MGAT5: variants seen among roughly 807,000 people sequenced by gnomAD.
The protein encoded by MGAT5 is alpha-1,6-mannosylglycoprotein 6-beta-N-acetylglucosaminyltransferase A.
A neutral mutation model predicts 94.3 loss-of-function variants in MGAT5; 30 were observed. The observed-to-expected ratio is 0.32, with a 90% CI of 0.24 to 0.43. The LOEUF is 0.43. Among genes scored for constraint, MGAT5 ranks in the 20% least tolerant of loss-of-function variants. The probability of loss-of-function intolerance (pLI) is 1.00; values close to 1 mark genes in which losing one functional copy is unlikely to be tolerated. For missense variants in MGAT5, 691 were observed against 905.5 expected (o/e 0.76, Z 3.04); for synonymous variants, 310 against 322.9 (o/e 0.96, Z 0.43).
At chr2:134,158,115 A>G (rs1255412834) in intron 1 of MGAT5, among the ~76,000 whole-genome samples, 2 of 152,246 alleles carry the variant, frequency 1.3e-5, no homozygotes, top group Admixed American at 6.5e-5. Flanking sequence ...AAAAAGCACC[A>G]TAAGTTATCA....
intron 5 of MGAT5, 111 bp from the exon 6 acceptor site, chr2:134,338,148 C>T (rs1688435103): frequency 1.1e-6 from 1 of 875,172 alleles, no homozygotes; most frequent in South Asian, 2.1e-5. Flanking sequence ...ACTTTTGAAG[C>T]TCTCAATTTA....
rs1243902500 is a variant in MGAT5 at position 134,449,534 on chromosome 2, CAG to C, written c.*688_*689del. The C allele has an allele frequency of 6.5e-6, 1 of 152,712 alleles. No homozygotes were observed. Among genetic ancestry groups the C allele is most frequent in the Non-Finnish European group, 1.5e-5 (1 of 68,474 alleles). 9.5% of individuals were successfully genotyped at this position (152,712 alleles called of 1,614,324 possible). On this transcript the variant is annotated 3_prime_UTR_variant, in exon 16 of 16. Coordinates refer to ENST00000281923, the MANE Select transcript of MGAT5 (RefSeq NM_002410.5). ...CACCTAGAGCATGGGCTGCCTCAGT[CAG>C]GGGGACGTGCCTGTGTTGTCCAGAG...
chr2:134,387,332 A>T (rs4953918), intron 10 of MGAT5, among the ~76,000 whole-genome samples: 4,026 of 24,456 alleles, frequency 0.16, 417 homozygotes, highest in African/African-American at 0.22. Context: ...ATATATATAT[A>T]TTTTTTTTTT....
At chr2:134,176,216 G>T (rs1199498878) in intron 1 of MGAT5, among the ~76,000 whole-genome samples, 9 of 152,116 alleles carry the variant, frequency 5.9e-5, no homozygotes, top group Non-Finnish European at 1.5e-5. Context: ...TGGGAAGGGG[G>T]TGTGGAGGCC....
At chr2:134,432,008 C>G (rs753351554) in intron 14 of MGAT5, among the ~76,000 whole-genome samples, 10 of 152,320 alleles carry the variant, frequency 6.6e-5, no homozygotes, top group Non-Finnish European at 1.2e-4. Flanking sequence ...TTTAAATGAG[C>G]TTTCTCAAAG....
intron 12 of MGAT5, among the ~76,000 whole-genome samples, chr2:134,414,097 G>T (rs1019838253): frequency 6.6e-6 from 1 of 151,164 alleles, no homozygotes; most frequent in African/African-American, 2.4e-5. Flanking sequence ...TCTATAAAAG[G>T]TTAATCCGTG....
At chr2:134,246,526 G>T (rs182693505) in intron 1 of MGAT5, among the ~76,000 whole-genome samples, 1 of 152,146 alleles carries the variant, frequency 6.6e-6, no homozygotes, top group Non-Finnish European at 1.5e-5. Flanking sequence ...CACCGTCCCC[G>T]TTCCATCTGT....
intron 2 of MGAT5, among the ~76,000 whole-genome samples, chr2:134,307,002 C>T (rs945724461): frequency 6.6e-6 from 1 of 152,120 alleles, no homozygotes; most frequent in Non-Finnish European, 1.5e-5. Flanking sequence ...AGGCATCTTG[C>T]ATGGTGGCCA....
At chr2:134,445,548 G>A (rs1408535883) in intron 15 of MGAT5, among the ~76,000 whole-genome samples, 1 of 152,190 alleles carries the variant, frequency 6.6e-6, no homozygotes, top group Non-Finnish European at 1.5e-5. Context: ...GAAGGGACTG[G>A]TGACTTCTCA....
intron 2 of MGAT5, among the ~76,000 whole-genome samples, chr2:134,306,919 G>A (rs4144832): frequency 0.037 from 5,642 of 152,046 alleles, 251 homozygotes; most frequent in East Asian, 0.12. Flanking sequence ...TTAAAAGACC[G>A]GGACATGCGG....
intron 4 of MGAT5, among the ~76,000 whole-genome samples, chr2:134,328,313 G>T (rs34327294): frequency 0.13 from 20,255 of 151,870 alleles, 1,559 homozygotes; most frequent in South Asian, 0.25. Flanking sequence ...TCTGTACTTT[G>T]TGTTAATAAT....
At position 134,305,533 on chromosome 2, in the gene MGAT5, A is replaced by G. The variant is rs147057860; in HGVS notation, c.407-11996A>G. On this transcript the variant is annotated intron_variant, in intron 2 of 15. Transcript: ENST00000281923. ...TTCTTCAGTTGCAAAAAGGAAATAC[A>G]AATATACACACATAAACTACATGTA... Among the ~76,000 whole-genome samples the G allele has an allele frequency of 7.6e-3, 1,164 of 152,322 alleles. 13 individuals are homozygous for G. The highest frequency in any genetic ancestry group is 0.027 in the African/African-American group (1,109 of 41,578).
chr2:134,251,198 CAA>C (rs569492298), upstream of MGAT5, among the ~76,000 whole-genome samples: 3 of 136,254 alleles, frequency 2.2e-5, no homozygotes. Context: ...TATGGGTTAT[CAA>C]AAAAAAAAAA....
chr2:134,347,925 G>A (rs899805536), intron 8 of MGAT5, among the ~76,000 whole-genome samples: 4 of 152,136 alleles, frequency 2.6e-5, no homozygotes, highest in African/African-American at 9.7e-5. Flanking sequence ...ACAAAGTAGT[G>A]CTGGTGAATC....
At chr2:134,430,184 C>T (rs947774361) in intron 14 of MGAT5, among the ~76,000 whole-genome samples, 3 of 152,230 alleles carry the variant, frequency 2.0e-5, no homozygotes, top group Admixed American at 2.0e-4. Flanking sequence ...ATACTAAGAT[C>T]CCTGCAGCTG....
intron 1 of MGAT5, among the ~76,000 whole-genome samples, chr2:134,148,045 TAATG>T (rs949405386): frequency 1.3e-5 from 2 of 152,266 alleles, no homozygotes; most frequent in Non-Finnish European, 2.9e-5. Flanking sequence ...TGGTGTAACT[TAATG>T]AAGAAGCACT....
chr2:134,444,085 T>G (rs1558892334), intron 15 of MGAT5, among the ~76,000 whole-genome samples: 1 of 152,164 alleles, frequency 6.6e-6, no homozygotes, highest in Non-Finnish European at 1.5e-5. Flanking sequence ...GCCACTCCCC[T>G]CAGTTCTGCC....
At chr2:134,318,789 T>C in intron 4 of MGAT5, 50 bp downstream of exon 4, 1 of 1,296,076 alleles carries the variant, frequency 7.7e-7, no homozygotes, top group Non-Finnish European at 1.1e-6. Context: ...GGTTGGACTG[T>C]TCTGTAGCTG....
chr2:134,434,636 A>G (rs1441556078), intron 14 of MGAT5, among the ~76,000 whole-genome samples: 4 of 151,190 alleles, frequency 2.6e-5, no homozygotes, highest in African/African-American at 9.7e-5. Context: ...AGCACCAGCT[A>G]TCTGCAAAGC....
Sources: gnomAD v4.1 joint callset for allele counts (sites outside exome capture counted in the v4.1 genomes callset) on GRCh38, gnomAD v4.1.1 for gene constraint, MANE v1.5 for transcripts, NCBI Gene and HGNC (gene_info 2026-07-23, HGNC 2026-07-21) for gene names.